Variants in KLF3 observed in about 807,000 individuals in gnomAD.
KLF3 encodes the protein Krueppel-like factor 3.
A neutral mutation model predicts 32.7 loss-of-function variants in KLF3; 6 were observed. The ratio of observed to expected loss-of-function variants is 0.18; its 90% CI spans 0.10 to 0.36. The LOEUF (loss-of-function observed/expected upper bound fraction) is 0.36. Ranked by LOEUF, KLF3 falls within the 10% of genes least tolerant of loss-of-function variation. The probability of loss-of-function intolerance (pLI) is 1.00; values close to 1 mark genes in which losing one functional copy is unlikely to be tolerated. For missense variants in KLF3, 338 were observed against 449.7 expected (o/e 0.75, Z 2.25); for synonymous variants, 145 against 172.8 (o/e 0.84, Z 1.26).
Position 38,671,668 on chromosome 4 carries a change from C to T in KLF3, c.-40+7207C>T, listed in dbSNP as rs1300064106. On this transcript the variant is annotated intron_variant, in intron 1 of 5. Transcript: ENST00000261438. This position sits in a 1 kb window ranked among gnomAD's most constrained non-coding sequence, Gnocchi z 4.4. ...ACCTTGGGTTCAAGTCCTGGCTCTACGAGTTAGCAGCTGTGTGATGTTAGG... is the reference window on the plus strand; with the variant it reads ...ACCTTGGGTTCAAGTCCTGGCTCTATGAGTTAGCAGCTGTGTGATGTTAGG... Among the ~76,000 whole-genome samples, 1 of 152,174 alleles carries T rather than the reference C, an allele frequency of 6.6e-6. No individual in the cohort carries two copies. The highest frequency in any genetic ancestry group is 1.5e-5 in the Non-Finnish European group (1 of 68,028).
chr4:38,678,630 A>T (rs1221843747), intron 1 of KLF3, among the ~76,000 whole-genome samples: 1 of 152,236 alleles, frequency 6.6e-6, no homozygotes, highest in Non-Finnish European at 1.5e-5. Flanking sequence ...AGAACGACAT[A>T]GTATCACTTC....
At chr4:38,694,434 C>G (rs1261365166) in intron 4 of KLF3, among the ~76,000 whole-genome samples, 1 of 152,160 alleles carries the variant, frequency 6.6e-6, no homozygotes, top group Non-Finnish European at 1.5e-5. Context: ...CTTAACCCTT[C>G]TTACTGTCAT....
At chr4:38,694,934 C>T (rs374574455) in intron 5 of KLF3, 28 bp downstream of exon 5, 31 of 1,565,932 alleles carry the variant, frequency 2.0e-5, no homozygotes, top group African/African-American at 2.8e-5. Flanking sequence ...CCCACTTCAT[C>T]TTTCTTCTTA....
intron 4 of KLF3, among the ~76,000 whole-genome samples, chr4:38,694,487 C>T (rs1401848426): frequency 1.3e-5 from 2 of 152,134 alleles, no homozygotes; most frequent in Admixed American, 6.5e-5. Context: ...GTGAGCTCCT[C>T]GAGGGCAGGA....
At chr4:38,683,996 C>T (rs1560417033) in intron 2 of KLF3, among the ~76,000 whole-genome samples, 2 of 152,142 alleles carry the variant, frequency 1.3e-5, no homozygotes, top group Admixed American at 1.3e-4. Context: ...ACCATGCCTT[C>T]CTGTGCCTGG....
chr4:38,689,461 A>G (rs188087208), intron 3 of KLF3, among the ~76,000 whole-genome samples: 1 of 152,350 alleles, frequency 6.6e-6, no homozygotes, highest in East Asian at 1.9e-4. Flanking sequence ...ATAGAGGACT[A>G]AGGGGTTGAA....
At chr4:38,664,926 C>T (rs901398479) in intron 1 of KLF3, 1 of 151,004 alleles carries the variant, frequency 6.6e-6, no homozygotes, top group Non-Finnish European at 1.5e-5. Flanking sequence ...GCTCCTCCCC[C>T]TCCCGGTGCC....
chr4:38,690,154 GT>G (rs775264127), intron 4 of KLF3: 3 of 381,002 alleles, frequency 7.9e-6, no homozygotes, highest in Non-Finnish European at 1.4e-5. Flanking sequence ...AATTATTTTT[GT>G]TTTTTTTCCA....
At chr4:38,687,058 A>T (rs573105063) in intron 2 of KLF3, among the ~76,000 whole-genome samples, 1 of 152,292 alleles carries the variant, frequency 6.6e-6, no homozygotes, top group African/African-American at 2.4e-5. Context: ...GGCCAAGGAG[A>T]CCCAGAAATT....
chr4:38,680,678 C>T lies in KLF3; in HGVS notation c.53C>T (p.Ser18Leu), dbSNP rs767146040. The change falls in exon 2 of 6, where the codon TCA becomes TTA. Residue 18 changes from serine (S) to leucine (L), a missense_variant. Ser to Leu is a moderately radical substitution (Grantham distance 145). Transcript: ENST00000261438. The stretch of plus-strand genomic sequence containing the variant: ...AAGCAAGAGGCCATGGACCCTGTCT[C>T]AGTGGTAAGTTTTCCAAGATTGAAC... Reference protein sequence around the residue: ...PVKQEAMDPVSVSYPSNYMES... With the variant: ...PVKQEAMDPVLVSYPSNYMES... 3 of 1,612,158 alleles carry T rather than the reference C, an allele frequency of 1.9e-6. No homozygotes were observed. Among genetic ancestry groups the T allele is most frequent in the East Asian group, 2.2e-5 (1 of 44,868 alleles).
At chr4:38,689,649 GTAGGAGC>G in intron 3 of KLF3, 73 bp from the exon 4 acceptor site, 7 of 986,490 alleles carry the variant, frequency 7.1e-6, no homozygotes, top group South Asian at 1.6e-5. Context: ...TGTGTTGTAG[GTAGGAGC>G]TATGCAGTAA....
rs1265623851 is a variant in KLF3 at position 38,682,062 on chromosome 4, A to G, written c.57+1380A>G. On this transcript the variant is annotated intron_variant, in intron 2 of 5. Transcript: ENST00000261438. Reference sequence around the variant, plus strand: ...CAATAAGGATTTTATTAATCAAAAAACTAAATTACTTTTTGAGATGGAGTC... The same window carrying G: ...CAATAAGGATTTTATTAATCAAAAAGCTAAATTACTTTTTGAGATGGAGTC... 2.0e-5 allele frequency among the ~76,000 whole-genome samples: 3 copies of G among 152,246 alleles called. No homozygotes were observed. The East Asian group carries it at 5.8e-4, about 29-fold the overall frequency.
chr4:38,676,626 C>T (rs918235122), intron 1 of KLF3, among the ~76,000 whole-genome samples: 1 of 152,080 alleles, frequency 6.6e-6, no homozygotes, highest in African/African-American at 2.4e-5. Context: ...AAAGCATCAT[C>T]ATTTAAAAGC....
chr4:38,699,109 A>G lies in KLF3; in HGVS notation c.*1846A>G, dbSNP rs1395210977. 1 of 152,210 alleles carries G rather than the reference A, an allele frequency of 6.6e-6. No homozygotes were observed. The highest frequency in any genetic ancestry group is 2.4e-5 in the African/African-American group (1 of 41,446). 9.4% of individuals were successfully genotyped at this position (152,210 alleles called of 1,614,324 possible). On this transcript the variant is annotated 3_prime_UTR_variant, in exon 6 of 6. Coordinates refer to ENST00000261438, the MANE Select transcript of KLF3 (RefSeq NM_016531.6). ...CTCATCCGCCCTGTGAACCAGCTGTAAAGAAATGTAGTTAAGAAATGCAAA... is the reference window on the plus strand; with the variant it reads ...CTCATCCGCCCTGTGAACCAGCTGTGAAGAAATGTAGTTAAGAAATGCAAA...
chr4:38,694,465 TC>T (rs1211763473), intron 4 of KLF3, among the ~76,000 whole-genome samples: 1 of 152,128 alleles, frequency 6.6e-6, no homozygotes, highest in Non-Finnish European at 1.5e-5. Flanking sequence ...CATGTCTGTC[TC>T]CCCCTAGAGT....
intron 1 of KLF3, among the ~76,000 whole-genome samples, chr4:38,679,049 C>T (rs1722440059): frequency 6.6e-6 from 1 of 151,996 alleles, no homozygotes; most frequent in Non-Finnish European, 1.5e-5. Context: ...GTGGACTGTA[C>T]AGAACACAGA....
chr4:38,680,741 T>A (rs1579123054), intron 2 of KLF3, 59 bp downstream of exon 2: 1 of 1,333,782 alleles, frequency 7.5e-7, no homozygotes, highest in East Asian at 2.3e-5. Context: ...ATAACATTAT[T>A]GTGTGTTGAA....
At chr4:38,690,074 A>C (rs776912826) in intron 4 of KLF3, 195 bp downstream of exon 4, 30 of 462,396 alleles carry the variant, frequency 6.5e-5, no homozygotes, top group Non-Finnish European at 1.1e-4. Flanking sequence ...TTACACTGAC[A>C]ACGTTATGAC....
intron 1 of KLF3, among the ~76,000 whole-genome samples, chr4:38,677,881 G>GTGTGTA (rs1722400300): frequency 1.4e-5 from 1 of 71,384 alleles, no homozygotes; most frequent in Non-Finnish European, 3.1e-5. Flanking sequence ...CAAAAGGAGT[G>GTGTGTA]TGTGTGTGTG....
Sources: gnomAD v4.1 joint callset for allele counts (sites outside exome capture counted in the v4.1 genomes callset) on GRCh38, gnomAD v4.1.1 for gene constraint, Gnocchi (gnomAD v3.1) non-coding constraint, MANE v1.5 for transcripts, NCBI Gene and HGNC (gene_info 2026-07-23, HGNC 2026-07-21) for gene names.